The following COL8A1 variants were observed in gnomAD, a reference collection of about 807,000 sequenced individuals.
COL8A1 encodes collagen type VIII alpha 1 chain, also known as collagen alpha-1(VIII) chain.
A neutral mutation model predicts 42.7 loss-of-function variants in COL8A1; 21 were observed. The ratio of observed to expected loss-of-function variants is 0.49; its 90% CI spans 0.35 to 0.71. COL8A1 has a LOEUF of 0.71. Among genes scored for constraint, COL8A1 ranks in the 30% least tolerant of loss-of-function variants. The pLI, the probability that COL8A1 is intolerant of heterozygous loss-of-function variation, is 0.01. For synonymous variants in COL8A1, 367 were observed against 369.1 expected, an observed-to-expected ratio of 0.99 and a Z score of 0.06; for missense variants, 788 against 962.4, an observed-to-expected ratio of 0.82 and a Z score of 2.40.
chr3:99,645,591 C>T (rs951402307), intron 1 of COL8A1, among the ~76,000 whole-genome samples: 2 of 151,794 alleles, frequency 1.3e-5, no homozygotes, highest in African/African-American at 4.8e-5. Context: ...CCAGAAGGGG[C>T]CTTTAGATTT....
chr3:99,653,709 A>G (rs891266608), intron 1 of COL8A1, among the ~76,000 whole-genome samples: 5 of 150,326 alleles, frequency 3.3e-5, no homozygotes, highest in Non-Finnish European at 7.4e-5. Flanking sequence ...TGTGCTCTAC[A>G]ACACTCTCCT....
At chr3:99,790,449 CAT>C (rs754475582) in intron 2 of COL8A1, among the ~76,000 whole-genome samples, 9 of 152,224 alleles carry the variant, frequency 5.9e-5, no homozygotes, top group Non-Finnish European at 1.2e-4. Context: ...TAGTCTCTCC[CAT>C]AGTCTATGTT....
At chr3:99,709,541 T>C (rs1939777082) in intron 1 of COL8A1, among the ~76,000 whole-genome samples, 1 of 152,230 alleles carries the variant, frequency 6.6e-6, no homozygotes, top group Non-Finnish European at 1.5e-5. Context: ...TTTGCAGAGC[T>C]ATTTTTTAAA....
intron 2 of COL8A1, among the ~76,000 whole-genome samples, chr3:99,745,844 A>C (rs200802644): frequency 1.3e-5 from 2 of 150,030 alleles, no homozygotes; most frequent in East Asian, 1.9e-4. Flanking sequence ...AAAAAAAAAA[A>C]CCACAACATA....
intron 2 of COL8A1, among the ~76,000 whole-genome samples, chr3:99,779,569 T>C (rs1941755843): frequency 6.6e-6 from 1 of 152,170 alleles, no homozygotes; most frequent in African/African-American, 2.4e-5. Context: ...GCCAGTTTTC[T>C]GGGGGAAAGG....
intron 1 of COL8A1, among the ~76,000 whole-genome samples, chr3:99,701,726 A>G (rs2107347085): frequency 6.6e-6 from 1 of 152,294 alleles, no homozygotes; most frequent in South Asian, 2.1e-4. Flanking sequence ...GAAATCATTA[A>G]TTTTAGATCT....
At chr3:99,719,028 T>A (rs1576446265) in intron 1 of COL8A1, among the ~76,000 whole-genome samples, 1 of 152,082 alleles carries the variant, frequency 6.6e-6, no homozygotes, top group East Asian at 1.9e-4. Flanking sequence ...ATTCTATAAC[T>A]CTGTGTGGGC....
At chr3:99,706,952 T>C (rs1221871943) in intron 1 of COL8A1, 1 of 152,192 alleles carries the variant, frequency 6.6e-6, no homozygotes, top group Non-Finnish European at 1.5e-5. Context: ...TATATACATG[T>C]TTTCAAATGT....
In COL8A1 at chr3:99,735,183, C is replaced by G. The variant is rs1447095276; in HGVS notation, c.-128-9714C>G. On this transcript the variant is annotated intron_variant, in intron 1 of 3. Coordinates refer to ENST00000652472, the MANE Select transcript of COL8A1 (RefSeq NM_020351.4). Reference sequence around the variant, plus strand: ...ATTGCCCTGGCCAGAACTTCCAACACTATGTTGAATAGGAGTGGTGAGAGA... The same window carrying G: ...ATTGCCCTGGCCAGAACTTCCAACAGTATGTTGAATAGGAGTGGTGAGAGA... Among the ~76,000 whole-genome samples the G allele has an allele frequency of 2.5e-3, 355 of 142,092 alleles. 1 individual carries two copies. The highest frequency in any genetic ancestry group is 8.6e-3 in the African/African-American group (319 of 37,166). 93.2% of individuals were successfully genotyped at this position (142,092 alleles called of 152,430 possible).
rs978125718 is a variant in COL8A1, at chr3:99,798,756, A to G, written c.*2620A>G. 1.3e-5 allele frequency: 2 copies of G among 152,232 alleles called. No homozygotes were observed. Among genetic ancestry groups the G allele is most frequent in the African/African-American group, 2.4e-5 (1 of 41,464 alleles). The allele number at this position is 152,232 out of a possible 1,614,324, so 9.4% of individuals were successfully genotyped here. On this transcript the variant is annotated 3_prime_UTR_variant, in exon 4 of 4. Transcript: ENST00000652472. ...ATCTATGCCAAATACTGTGCATTCT[A>G]CAATGGTGCTAATCTCAGACCTAAA...
chr3:99,670,960 G>A (rs1457245402), intron 1 of COL8A1, among the ~76,000 whole-genome samples: 13 of 151,846 alleles, frequency 8.6e-5, no homozygotes, highest in Admixed American at 7.9e-4. Context: ...GTGTGTGTGT[G>A]TGTGTTTGTG....
intron 1 of COL8A1, among the ~76,000 whole-genome samples, chr3:99,710,858 G>A (rs1453996167): frequency 6.6e-6 from 1 of 152,116 alleles, no homozygotes; most frequent in African/African-American, 2.4e-5. Flanking sequence ...TTAAGAATCT[G>A]GAAACTTCTG....
intron 1 of COL8A1, among the ~76,000 whole-genome samples, chr3:99,695,612 C>T (rs1427637599): frequency 6.6e-6 from 1 of 152,126 alleles, no homozygotes; most frequent in Non-Finnish European, 1.5e-5. Flanking sequence ...GTCTTTCCCT[C>T]CTTCTCTTTT....
chr3:99,734,002 T>C (rs1180540467), intron 1 of COL8A1, among the ~76,000 whole-genome samples: 1 of 152,090 alleles, frequency 6.6e-6, no homozygotes, highest in Non-Finnish European at 1.5e-5. Flanking sequence ...GGTTGTTTGT[T>C]TCTTTCTTGT....
chr3:99,715,889 G>A (rs1466612867), intron 1 of COL8A1, among the ~76,000 whole-genome samples: 7 of 151,992 alleles, frequency 4.6e-5, no homozygotes, highest in Non-Finnish European at 1.5e-5. Flanking sequence ...GTGGACTCCT[G>A]GAGATGACTC....
chr3:99,723,438 C>T (rs1940212898), intron 1 of COL8A1, among the ~76,000 whole-genome samples: 1 of 152,036 alleles, frequency 6.6e-6, no homozygotes, highest in African/African-American at 2.4e-5. Context: ...CAGTGGCAAG[C>T]AATATTGCCC....
intron 3 of COL8A1, among the ~76,000 whole-genome samples, chr3:99,793,907 A>G (rs914766972): frequency 6.6e-6 from 1 of 152,062 alleles, no homozygotes; most frequent in Non-Finnish European, 1.5e-5. Flanking sequence ...ATGTGCCACC[A>G]CACCCGGCTA....
chr3:99,750,049 C>CTTTTTTTTTTTTTTTTTTTTTTTT (rs1176042144), intron 2 of COL8A1, among the ~76,000 whole-genome samples: 2 of 65,968 alleles, frequency 3.0e-5, no homozygotes, highest in Non-Finnish European at 5.3e-5. Context: ...TTTTTTTCTT[C>CTTTTTTTTTTTTTTTTTTTTTTTT]TTTTTTTTTT....
chr3:99,696,561 T>A (rs1028855737), intron 1 of COL8A1, among the ~76,000 whole-genome samples: 2 of 152,178 alleles, frequency 1.3e-5, no homozygotes, highest in African/African-American at 2.4e-5. Context: ...GGAACATCCC[T>A]CTGAGGGGAC....
Sources: allele counts gnomAD v4.1 joint callset (sites outside exome capture counted in the v4.1 genomes callset), GRCh38; gene constraint gnomAD v4.1.1; transcripts MANE v1.5; gene names NCBI Gene and HGNC (gene_info 2026-07-23, HGNC 2026-07-21).